Variants in NRXN1 observed in about 807,000 individuals in gnomAD.
The protein encoded by NRXN1 is neurexin-1.
In NRXN1, 39 loss-of-function variants were observed where a neutral mutation model predicts 150.9. The observed-to-expected ratio is 0.26, with a 90% confidence interval of 0.20 to 0.34. NRXN1 has a LOEUF of 0.34. NRXN1 is among the 10% of genes least tolerant of loss of function. The pLI is 1.00. For synonymous variants in NRXN1, 924 were observed against 757.0 expected, an observed-to-expected ratio of 1.22 and a Z score of -3.62; for missense variants, 1,815 against 1,949.9, an observed-to-expected ratio of 0.93 and a Z score of 1.30.
chr2:50,386,378 C>T (rs1168249060), intron 17 of NRXN1, among the ~76,000 whole-genome samples: 1 of 151,200 alleles, frequency 6.6e-6, no homozygotes, highest in Non-Finnish European at 1.5e-5. Flanking sequence ...AGAGTGATCT[C>T]AACACAAGCC....
chr2:50,034,306 G>A (rs1306597475), intron 21 of NRXN1, among the ~76,000 whole-genome samples: 4 of 152,062 alleles, frequency 2.6e-5, no homozygotes, highest in Non-Finnish European at 4.4e-5. Flanking sequence ...GGAATACTAT[G>A]CAGCCATAAA....
At chr2:50,150,723 T>C (rs2602002) in intron 18 of NRXN1, among the ~76,000 whole-genome samples, 124,817 of 151,634 alleles carry the variant, frequency 0.82, 51,621 homozygotes, top group African/African-American at 0.89. Context: ...TATAAAACTA[T>C]ACCTCCTTTT....
At chr2:50,296,216 T>C (rs1404172414) in intron 17 of NRXN1, among the ~76,000 whole-genome samples, 1 of 152,200 alleles carries the variant, frequency 6.6e-6, no homozygotes, top group Non-Finnish European at 1.5e-5. Context: ...ACAATGCTCA[T>C]ACAGTATTCT....
intron 2 of NRXN1, among the ~76,000 whole-genome samples, chr2:50,972,152 T>C (rs1263737838): frequency 1.3e-5 from 2 of 152,290 alleles, no homozygotes; most frequent in East Asian, 3.9e-4. Flanking sequence ...TAAGGTATTA[T>C]GAACAACCTA....
intron 5 of NRXN1, among the ~76,000 whole-genome samples, chr2:50,651,870 C>T (rs753819157): frequency 4.0e-5 from 6 of 151,884 alleles, no homozygotes; most frequent in Non-Finnish European, 8.8e-5. Flanking sequence ...AATAGTCTAC[C>T]CAGAGTTGCA....
At chr2:50,746,103 T>C (rs1699992417) in intron 5 of NRXN1, among the ~76,000 whole-genome samples, 2 of 152,146 alleles carry the variant, frequency 1.3e-5, no homozygotes, top group Non-Finnish European at 2.9e-5. Flanking sequence ...CCCAAATTTA[T>C]ATTTCTGAAT....
At chr2:50,590,528 T>C (rs1346148050) in intron 8 of NRXN1, among the ~76,000 whole-genome samples, 3 of 152,168 alleles carry the variant, frequency 2.0e-5, no homozygotes, top group Non-Finnish European at 4.4e-5. Context: ...ATTAACTCAC[T>C]GTTACAGACC....
intron 17 of NRXN1, among the ~76,000 whole-genome samples, chr2:50,403,124 G>T (rs1025697183): frequency 3.3e-5 from 5 of 152,032 alleles, no homozygotes; most frequent in Admixed American, 1.3e-4. Flanking sequence ...AACATCACCT[G>T]GTTTCCAAGG....
intron 17 of NRXN1, among the ~76,000 whole-genome samples, chr2:50,396,302 A>C (rs1442075500): frequency 6.6e-6 from 1 of 152,184 alleles, no homozygotes; most frequent in Non-Finnish European, 1.5e-5. Flanking sequence ...CATTATTGTC[A>C]ATTTAACATG....
At chr2:50,312,348 A>G (rs889660672) in intron 17 of NRXN1, among the ~76,000 whole-genome samples, 4 of 152,210 alleles carry the variant, frequency 2.6e-5, no homozygotes, top group Middle Eastern at 6.8e-3. Flanking sequence ...CAGGGGTTAA[A>G]AAAAGAAAAC....
At position 50,697,680 on chromosome 2, in the gene NRXN1, C is replaced by T. The variant is rs1370785256; in HGVS notation, c.833-74065G>A. Among the ~76,000 whole-genome samples the T allele has an allele frequency of 2.0e-5, 3 of 152,188 alleles. No individual in the cohort carries two copies. In the East Asian group the frequency reaches 5.8e-4, roughly 29 times the overall value. On this transcript the variant is annotated intron_variant, in intron 5 of 22. Coordinates refer to ENST00000401669, the MANE Select transcript of NRXN1 (RefSeq NM_001330078.2). ...TGTTTTGAAGATGTGAATTAGATTA[C>T]ATCATTCTTTTCTTCAAATCCTCAA...
At chr2:50,521,444 A>T (rs1406400303) in intron 12 of NRXN1, among the ~76,000 whole-genome samples, 1 of 152,174 alleles carries the variant, frequency 6.6e-6, no homozygotes, top group Non-Finnish European at 1.5e-5. Flanking sequence ...AAAATAAAGT[A>T]ATTTAGCCTT....
chr2:50,210,534 T>C (rs1364503767), intron 18 of NRXN1, among the ~76,000 whole-genome samples: 1 of 151,842 alleles, frequency 6.6e-6, no homozygotes, highest in East Asian at 1.9e-4. Flanking sequence ...TAATCACTGA[T>C]AGTGATCATT....
chr2:50,786,162 A>G (rs1182382018), intron 5 of NRXN1, among the ~76,000 whole-genome samples: 1 of 152,122 alleles, frequency 6.6e-6, no homozygotes, highest in Non-Finnish European at 1.5e-5. Context: ...ACTGTAATAC[A>G]TATATAAAAT....
intron 18 of NRXN1, among the ~76,000 whole-genome samples, chr2:50,093,881 G>A (rs890943349): frequency 6.6e-6 from 1 of 152,140 alleles, no homozygotes; most frequent in African/African-American, 2.4e-5. Flanking sequence ...GATCCACACA[G>A]TTAGGCTCCA....
At chr2:50,635,774 G>A (rs377061555) in intron 5 of NRXN1, among the ~76,000 whole-genome samples, 29 of 152,302 alleles carry the variant, frequency 1.9e-4, no homozygotes, top group African/African-American at 6.7e-4. Context: ...AGGGAGGTGG[G>A]AAGTGGGGAG....
At chr2:50,210,793 A>C (rs1299823184) in intron 18 of NRXN1, among the ~76,000 whole-genome samples, 1 of 151,586 alleles carries the variant, frequency 6.6e-6, no homozygotes, top group Non-Finnish European at 1.5e-5. Context: ...AATCAAAACT[A>C]TAATTTTATT....
chr2:50,353,876 G>A (rs1026720414), intron 17 of NRXN1, among the ~76,000 whole-genome samples: 1 of 152,098 alleles, frequency 6.6e-6, no homozygotes, highest in East Asian at 1.9e-4. Context: ...GGCTAGAAGG[G>A]CTGTTAAATC....
intron 5 of NRXN1, among the ~76,000 whole-genome samples, chr2:50,801,865 A>G (rs963625329): frequency 2.6e-5 from 4 of 152,162 alleles, no homozygotes; most frequent in Non-Finnish European, 1.5e-5. Context: ...AGTTTCCTTA[A>G]ATCGAAATCA....
Sources: gnomAD v4.1 joint callset for allele counts (sites outside exome capture counted in the v4.1 genomes callset) on GRCh38, gnomAD v4.1.1 for gene constraint, MANE v1.5 for transcripts, NCBI Gene and HGNC (gene_info 2026-07-23, HGNC 2026-07-21) for gene names.